Variants in AUTS2 observed in about 807,000 individuals in gnomAD.
The protein encoded by AUTS2 is activator of transcription and developmental regulator AUTS2.
A neutral mutation model predicts 112.4 loss-of-function variants in AUTS2; 17 were observed. That is an observed-to-expected ratio of 0.15 (90% CI 0.10 to 0.23). AUTS2 has a LOEUF of 0.23. Among genes scored for constraint, AUTS2 ranks in the 10% least tolerant of loss-of-function variants. The pLI is 1.00. For synonymous variants in AUTS2, 751 were observed against 702.7 expected, an observed-to-expected ratio of 1.07 and a Z score of -1.09; for missense variants, 1,510 against 1,701.6, an observed-to-expected ratio of 0.89 and a Z score of 1.98.
At chr7:70,442,328 C>A (rs559598176) in intron 5 of AUTS2, among the ~76,000 whole-genome samples, 1 of 152,138 alleles carries the variant, frequency 6.6e-6, no homozygotes, top group Non-Finnish European at 1.5e-5. Context: ...CTCATACAGT[C>A]GCAATGTCTA....
At chr7:69,932,057 G>C (rs1025750374) in intron 2 of AUTS2, among the ~76,000 whole-genome samples, 2 of 152,202 alleles carry the variant, frequency 1.3e-5, no homozygotes, top group Non-Finnish European at 2.9e-5. Context: ...CTGGACAGTA[G>C]TGTGTTTGTG....
intron 4 of AUTS2, among the ~76,000 whole-genome samples, chr7:70,306,540 G>A (rs1282537279): frequency 1.3e-5 from 2 of 152,074 alleles, no homozygotes; most frequent in Non-Finnish European, 2.9e-5. Flanking sequence ...AGTTTTTATT[G>A]TATTGTCTAT....
chr7:70,605,636 T>G (rs1019699517), intron 5 of AUTS2, among the ~76,000 whole-genome samples: 1 of 146,984 alleles, frequency 6.8e-6, no homozygotes, highest in Non-Finnish European at 1.5e-5. Flanking sequence ...ATCTGGAACT[T>G]TTCTAGTAAG....
At chr7:70,187,832 C>A (rs1356013887) in intron 4 of AUTS2, among the ~76,000 whole-genome samples, 2 of 134,340 alleles carry the variant, frequency 1.5e-5, no homozygotes, top group African/African-American at 5.7e-5. Context: ...GGAATCACAT[C>A]AGGAAAGGGA....
rs532403903 is a variant in AUTS2, at chr7:70,662,045, G to A, written c.691-36524G>A. ...AGATTGAAAGGGTGAGCAGACAATG[G>A]GGGGGCAGACACCTGAAGCCAGAGA... On this transcript the variant is annotated intron_variant, in intron 5 of 18. Coordinates refer to ENST00000342771, the MANE Select transcript of AUTS2 (RefSeq NM_015570.4). Among the ~76,000 whole-genome samples, 14 of 152,312 alleles carry A rather than the reference G, an allele frequency of 9.2e-5. No homozygotes were observed. The East Asian group carries it at 2.1e-3, about 23-fold the overall frequency.
intron 2 of AUTS2, among the ~76,000 whole-genome samples, chr7:69,985,487 G>A (rs572020027): frequency 9.5e-4 from 145 of 152,202 alleles, no homozygotes; most frequent in African/African-American, 3.2e-3. Context: ...TTACATTATA[G>A]CATTCTCCTG....
intron 2 of AUTS2, among the ~76,000 whole-genome samples, chr7:69,987,793 C>T (rs1479407229): frequency 6.6e-6 from 1 of 152,172 alleles, no homozygotes; most frequent in South Asian, 2.1e-4. Context: ...TTTTCCAATA[C>T]GTCATGACTA....
intron 1 of AUTS2, among the ~76,000 whole-genome samples, chr7:69,799,240 C>A (rs1789976845): frequency 6.6e-6 from 1 of 152,018 alleles, no homozygotes; most frequent in Non-Finnish European, 1.5e-5. Flanking sequence ...GTATCTCAAC[C>A]CAGATTCACT....
intron 2 of AUTS2, among the ~76,000 whole-genome samples, chr7:70,038,516 T>C (rs911763357): frequency 6.6e-6 from 1 of 152,166 alleles, no homozygotes; most frequent in East Asian, 1.9e-4. Context: ...ATTAGGCTTT[T>C]AAAAATAGAT....
intron 4 of AUTS2, among the ~76,000 whole-genome samples, chr7:70,182,852 A>G (rs1211445699): frequency 1.3e-5 from 2 of 151,666 alleles, no homozygotes; most frequent in Non-Finnish European, 1.5e-5. Context: ...ACCAGCTTCC[A>G]TTCTCATCTC....
In AUTS2 at chr7:69,638,236, C is replaced by G. The variant is rs184529180; in HGVS notation, c.309+38274C>G. ...CTTGCTTTGCTGCCCAGGCTGGTCTCAAACTCCTGGCCTCAATCAGTCCTC... is the reference window on the plus strand; with the variant it reads ...CTTGCTTTGCTGCCCAGGCTGGTCTGAAACTCCTGGCCTCAATCAGTCCTC... On this transcript the variant is annotated intron_variant, in intron 1 of 18. Coordinates refer to ENST00000342771, the MANE Select transcript of AUTS2 (RefSeq NM_015570.4). 1.3e-3 allele frequency among the ~76,000 whole-genome samples: 193 copies of G among 152,274 alleles called. 3 individuals carry two copies. Among genetic ancestry groups the G allele is most frequent in the Admixed American group, 0.01 (156 of 15,296 alleles).
chr7:70,708,817 A>G (rs1196408321), intron 6 of AUTS2, among the ~76,000 whole-genome samples: 1 of 151,946 alleles, frequency 6.6e-6, no homozygotes, highest in Non-Finnish European at 1.5e-5. Context: ...TAATTAAGCT[A>G]TTGCAAAGGT....
chr7:70,758,395 C>T (rs1247034571), intron 6 of AUTS2, among the ~76,000 whole-genome samples: 2 of 152,078 alleles, frequency 1.3e-5, no homozygotes, highest in Non-Finnish European at 2.9e-5. Flanking sequence ...TTGCATTCTA[C>T]TAGTAAAGTA....
chr7:70,644,239 G>A (rs1806021290), intron 5 of AUTS2, among the ~76,000 whole-genome samples: 1 of 152,160 alleles, frequency 6.6e-6, no homozygotes, highest in Non-Finnish European at 1.5e-5. Flanking sequence ...TGATGTGTAA[G>A]TGATACATGC....
At chr7:69,834,546 G>C (rs1273397897) in intron 1 of AUTS2, among the ~76,000 whole-genome samples, 1 of 152,184 alleles carries the variant, frequency 6.6e-6, no homozygotes, top group Middle Eastern at 3.2e-3. Context: ...AGGAATTGCT[G>C]CTTTATGACT....
At chr7:70,066,840 C>G (rs575100539) in intron 2 of AUTS2, among the ~76,000 whole-genome samples, 4 of 152,144 alleles carry the variant, frequency 2.6e-5, no homozygotes, top group Admixed American at 6.5e-5. Flanking sequence ...ACTCCTGGCC[C>G]CCAGTAAATA....
chr7:70,091,116 C>T (rs1185673539), intron 2 of AUTS2, among the ~76,000 whole-genome samples: 3 of 151,848 alleles, frequency 2.0e-5, no homozygotes, highest in African/African-American at 7.3e-5. Context: ...CTTTCTTTTC[C>T]CTTCTCCCAG....
At chr7:70,130,896 T>C (rs1020599099) in intron 3 of AUTS2, among the ~76,000 whole-genome samples, 3 of 152,168 alleles carry the variant, frequency 2.0e-5, no homozygotes, top group Non-Finnish European at 4.4e-5. Flanking sequence ...ATGAATGAAA[T>C]GGCAACTCTA....
chr7:69,928,546 G>C (rs768142237), intron 2 of AUTS2, among the ~76,000 whole-genome samples: 4 of 152,220 alleles, frequency 2.6e-5, no homozygotes, highest in Admixed American at 6.5e-5. Flanking sequence ...GGAGGGGCCT[G>C]AGGTAGCAGG....
Sources: allele counts gnomAD v4.1 joint callset (sites outside exome capture counted in the v4.1 genomes callset), GRCh38; gene constraint gnomAD v4.1.1; transcripts MANE v1.5; gene names NCBI Gene and HGNC (gene_info 2026-07-23, HGNC 2026-07-21).